The following HRH1 variants were observed in gnomAD, a reference collection of about 807,000 sequenced individuals.
The protein encoded by HRH1 is histamine H1 receptor.
In HRH1, 6 loss-of-function variants were observed where a neutral mutation model predicts 10.3. The ratio of observed to expected loss-of-function variants is 0.58; its 90% confidence interval spans 0.32 to 1.15. HRH1 has a LOEUF of 1.15. Among genes scored for constraint, HRH1 ranks in the 50% most tolerant of loss-of-function variants. The pLI, the probability that HRH1 is intolerant of heterozygous loss-of-function variation, is 0.05. For synonymous variants in HRH1, 242 were observed against 236.7 expected, an observed-to-expected ratio of 1.02 and a Z score of -0.21; for missense variants, 514 against 615.3, an observed-to-expected ratio of 0.84 and a Z score of 1.74.
intron 1 of HRH1, among the ~76,000 whole-genome samples, chr3:11,178,785 C>A (rs1937293922): frequency 6.6e-6 from 1 of 152,150 alleles, no homozygotes; most frequent in Admixed American, 6.5e-5. Context: ...GCCCTTCCTT[C>A]ATACGTCCCT....
chr3:11,244,493 G>A (rs924332531), intron 1 of HRH1, among the ~76,000 whole-genome samples: 1 of 152,234 alleles, frequency 6.6e-6, no homozygotes, highest in Non-Finnish European at 1.5e-5. Flanking sequence ...GAATGGGCCA[G>A]GTACAGGATG....
chr3:11,237,245 T>C (rs1939204623), intron 1 of HRH1, among the ~76,000 whole-genome samples: 1 of 152,252 alleles, frequency 6.6e-6, no homozygotes, highest in Non-Finnish European at 1.5e-5. Context: ...AAAAAGAGGA[T>C]GATGTATTCA....
At chr3:11,215,616 A>G (rs962736025) in intron 1 of HRH1, among the ~76,000 whole-genome samples, 21 of 151,974 alleles carry the variant, frequency 1.4e-4, no homozygotes, top group Non-Finnish European at 2.9e-5. Flanking sequence ...AATTTTTTGT[A>G]TTTTTTAGTA....
intron 1 of HRH1, among the ~76,000 whole-genome samples, chr3:11,222,026 T>C (rs1286808769): frequency 6.6e-6 from 1 of 152,226 alleles, no homozygotes; most frequent in Non-Finnish European, 1.5e-5. Context: ...TTCCACCTTC[T>C]GGTTATTGTG....
At chr3:11,185,038 TA>T (rs11360745) in intron 1 of HRH1, among the ~76,000 whole-genome samples, 49,016 of 133,418 alleles carry the variant, frequency 0.37, 8,024 homozygotes, top group Middle Eastern at 0.41. Flanking sequence ...AGTACTAATT[TA>T]AAAAAAAAAA....
chr3:11,140,897 C>T (rs1034826966), intron 1 of HRH1, among the ~76,000 whole-genome samples: 5 of 152,168 alleles, frequency 3.3e-5, no homozygotes, highest in African/African-American at 1.2e-4. Flanking sequence ...ACTGTACAGG[C>T]CCGTGTGTGT....
chr3:11,151,787 G>A (rs909204334), upstream of HRH1, among the ~76,000 whole-genome samples: 27 of 152,094 alleles, frequency 1.8e-4, no homozygotes, highest in African/African-American at 1.7e-4. Flanking sequence ...TTACAGGGGC[G>A]AGCCACCATG....
intron 1 of HRH1, among the ~76,000 whole-genome samples, chr3:11,207,605 C>T (rs1938183363): frequency 1.3e-5 from 2 of 151,992 alleles, no homozygotes; most frequent in African/African-American, 2.4e-5. Context: ...TGAACTGGAG[C>T]GTGAGGTCCT....
intron 1 of HRH1, among the ~76,000 whole-genome samples, chr3:11,202,423 TA>T (rs1937959938): frequency 1.3e-5 from 2 of 148,818 alleles, no homozygotes; most frequent in African/African-American, 2.5e-5. Flanking sequence ...AATAAATAAA[TA>T]AATAAATAAA....
At chr3:11,179,513 G>A (rs146085075) in intron 1 of HRH1, among the ~76,000 whole-genome samples, 12,375 of 151,054 alleles carry the variant, frequency 0.082, 914 homozygotes, top group African/African-American at 0.2. Flanking sequence ...CCAGCTACTC[G>A]GGAGGCTGAG....
chr3:11,234,578 C>T lies in HRH1; in HGVS notation c.-35-24425C>T, dbSNP rs967779948. 29 of 1,437,206 alleles carry T rather than the reference C, an allele frequency of 2.0e-5. No individual in the cohort carries two copies. The African/African-American group carries it at 2.1e-4, about 10-fold the overall frequency. The allele number at this position is 1,437,206 out of a possible 1,614,324, so 89.0% of individuals were successfully genotyped here. On this transcript the variant is annotated intron_variant, in intron 1 of 1. Transcript: ENST00000431010. ...ATCAATCCATGCTCCTCGTATGGAT[C>T]GTTGGGGTCATCAGCCACCAATTCT...
chr3:11,224,715 A>T (rs1187037963), intron 1 of HRH1, among the ~76,000 whole-genome samples: 1 of 149,592 alleles, frequency 6.7e-6, no homozygotes. Flanking sequence ...AAAAAAAAAA[A>T]AGAAATTGGA....
At chr3:11,250,039 T>TTA (rs1365689523) in intron 1 of HRH1, among the ~76,000 whole-genome samples, 1 of 122,254 alleles carries the variant, frequency 8.2e-6, no homozygotes, top group East Asian at 2.3e-4. Flanking sequence ...TTTCTCTTTT[T>TTA]TTTTTTTTTT....
At chr3:11,251,771 C>G (rs1559286196) in intron 1 of HRH1, among the ~76,000 whole-genome samples, 2 of 152,208 alleles carry the variant, frequency 1.3e-5, no homozygotes, top group Non-Finnish European at 2.9e-5. Context: ...CAGTAAGCAA[C>G]CTTTCTGCCT....
intron 1 of HRH1, among the ~76,000 whole-genome samples, chr3:11,211,990 C>G (rs1938341674): frequency 6.6e-6 from 1 of 152,102 alleles, no homozygotes; most frequent in Non-Finnish European, 1.5e-5. Context: ...CGTACGCACT[C>G]CCAAGTCAGA....
At chr3:11,235,669 AC>A (rs750714949) in intron 1 of HRH1, among the ~76,000 whole-genome samples, 6 of 152,060 alleles carry the variant, frequency 3.9e-5, no homozygotes, top group Non-Finnish European at 5.9e-5. Context: ...AATGGCGGGG[AC>A]GCCACCCCAG....
At chr3:11,182,401 T>C (rs1357457107) in intron 1 of HRH1, among the ~76,000 whole-genome samples, 2 of 152,230 alleles carry the variant, frequency 1.3e-5, no homozygotes, top group African/African-American at 4.8e-5. Flanking sequence ...GGGCCTGACA[T>C]ACATCAGGTG....
At chr3:11,175,912 A>T (rs1937239674) in intron 1 of HRH1, among the ~76,000 whole-genome samples, 1 of 152,120 alleles carries the variant, frequency 6.6e-6, no homozygotes, top group Non-Finnish European at 1.5e-5. Context: ...TAATCCTAGC[A>T]CTTTGGGAGG....
intron 1 of HRH1, among the ~76,000 whole-genome samples, chr3:11,146,063 G>C (rs1171743832): frequency 6.6e-6 from 1 of 152,132 alleles, no homozygotes; most frequent in Non-Finnish European, 1.5e-5. Context: ...ATTGCTCTTG[G>C]AGACGTGACT....
Sources: allele counts gnomAD v4.1 joint callset (sites outside exome capture counted in the v4.1 genomes callset), GRCh38; gene constraint gnomAD v4.1.1; transcripts MANE v1.5; gene names NCBI Gene and HGNC (gene_info 2026-07-23, HGNC 2026-07-21).